The following RALYL variants were observed in gnomAD, a reference collection of about 807,000 sequenced individuals.
The protein encoded by RALYL is RNA-binding Raly-like protein.
In RALYL, 29 loss-of-function variants were observed where a neutral mutation model predicts 35.1. The observed-to-expected ratio is 0.83, with a 90% CI of 0.61 to 1.13. The LOEUF (loss-of-function observed/expected upper bound fraction) is 1.13, where lower values mean the gene tolerates loss of function less well. Ranked by LOEUF, RALYL falls within the 50% of genes most tolerant of loss-of-function variation. The pLI is 0.00. For synonymous variants in RALYL, 120 were observed against 127.6 expected, an observed-to-expected ratio of 0.94 and a Z score of 0.40; for missense variants, 359 against 360.4, an observed-to-expected ratio of 1.00 and a Z score of 0.03.
At chr8:84,723,901 A>G (rs1404079316) in intron 2 of RALYL, among the ~76,000 whole-genome samples, 1 of 151,670 alleles carries the variant, frequency 6.6e-6, no homozygotes, top group Non-Finnish European at 1.5e-5. Flanking sequence ...GCTGTAAATT[A>G]TATTTATTTC....
intron 2 of RALYL, among the ~76,000 whole-genome samples, chr8:84,669,738 A>C (rs1261298137): frequency 6.6e-6 from 1 of 152,106 alleles, no homozygotes. Flanking sequence ...ACCTCAAGTC[A>C]GTGGTGTACT....
At chr8:84,869,881 T>A (rs1235480968) in intron 6 of RALYL, among the ~76,000 whole-genome samples, 2 of 152,194 alleles carry the variant, frequency 1.3e-5, no homozygotes, top group Non-Finnish European at 2.9e-5. Flanking sequence ...AATATTCTTT[T>A]TGGATTATAT....
intron 2 of RALYL, among the ~76,000 whole-genome samples, chr8:84,670,308 C>G (rs918195063): frequency 3.9e-5 from 6 of 152,144 alleles, no homozygotes; most frequent in Non-Finnish European, 8.8e-5. Context: ...ACAACTCTTG[C>G]TGCTGGACAT....
At chr8:84,429,801 T>C (rs1241479567) in intron 1 of RALYL, among the ~76,000 whole-genome samples, 1 of 152,124 alleles carries the variant, frequency 6.6e-6, no homozygotes, top group Non-Finnish European at 1.5e-5. Context: ...AAGGAAAACA[T>C]GTCATTTACT....
At chr8:84,665,918 A>G (rs564878619) in intron 2 of RALYL, 2 of 152,134 alleles carry the variant, frequency 1.3e-5, no homozygotes, top group South Asian at 2.1e-4. Flanking sequence ...CTCTTATATC[A>G]TAATATAAAA....
chr8:84,914,850 C>T (rs1848189145), intron 8 of RALYL, among the ~76,000 whole-genome samples: 2 of 151,926 alleles, frequency 1.3e-5, no homozygotes, highest in South Asian at 2.1e-4. Flanking sequence ...AATTCCATCC[C>T]TTATCTCCTA....
At chr8:84,433,121 A>C (rs190322717) in intron 1 of RALYL, among the ~76,000 whole-genome samples, 2 of 152,170 alleles carry the variant, frequency 1.3e-5, no homozygotes, top group Non-Finnish European at 2.9e-5. Context: ...ACTTTTAAAA[A>C]CATCAAACAC....
chr8:84,357,143 A>G (rs887036039), intron 1 of RALYL, among the ~76,000 whole-genome samples: 1 of 152,090 alleles, frequency 6.6e-6, no homozygotes, highest in African/African-American at 2.4e-5. Context: ...CAGAACAATT[A>G]TTTGATAACA....
chr8:84,599,096 A>G (rs1306212816), intron 2 of RALYL, among the ~76,000 whole-genome samples: 1 of 152,128 alleles, frequency 6.6e-6, no homozygotes, highest in African/African-American at 2.4e-5. Context: ...ACTGTAAAAC[A>G]TATAACCTTA....
chr8:84,633,608 G>A (rs931833640), intron 2 of RALYL, among the ~76,000 whole-genome samples: 1 of 151,686 alleles, frequency 6.6e-6, no homozygotes, highest in Non-Finnish European at 1.5e-5. Flanking sequence ...AATAGTAACA[G>A]TAACAACAAA....
intron 1 of RALYL, among the ~76,000 whole-genome samples, chr8:84,479,168 C>G (rs973063708): frequency 7.3e-6 from 1 of 137,044 alleles, no homozygotes; most frequent in South Asian, 2.6e-4. Context: ...CTCCTTTAAT[C>G]TCATATACTT....
chr8:84,359,326 T>C (rs35603714), intron 1 of RALYL, among the ~76,000 whole-genome samples: 7,864 of 151,930 alleles, frequency 0.052, 270 homozygotes, highest in African/African-American at 0.091. Context: ...TAAACCACTT[T>C]TGTTAAGTTA....
At chr8:84,409,670 G>T (rs775182033) in intron 1 of RALYL, among the ~76,000 whole-genome samples, 1 of 151,770 alleles carries the variant, frequency 6.6e-6, no homozygotes, top group African/African-American at 2.4e-5. Context: ...TTTTTCCATC[G>T]TATACTCCTC....
chr8:84,469,382 G>C (rs1487412894), intron 1 of RALYL, among the ~76,000 whole-genome samples: 1 of 152,030 alleles, frequency 6.6e-6, no homozygotes, highest in Middle Eastern at 3.2e-3. Flanking sequence ...TCAGCTGCAG[G>C]TCTGTTGGAG....
chr8:84,666,718 G>A (rs1020588532), intron 2 of RALYL, among the ~76,000 whole-genome samples: 7 of 151,956 alleles, frequency 4.6e-5, no homozygotes, highest in Non-Finnish European at 8.8e-5. Flanking sequence ...AAATGAAATC[G>A]TTTCTGTGCC....
intron 1 of RALYL, among the ~76,000 whole-genome samples, chr8:84,399,144 T>A (rs1182936727): frequency 6.6e-6 from 1 of 152,208 alleles, no homozygotes; most frequent in African/African-American, 2.4e-5. Flanking sequence ...CATTCCCGTT[T>A]CCTGCTCTAA....
At chr8:84,591,554 G>A (rs934345378) in intron 2 of RALYL, among the ~76,000 whole-genome samples, 1 of 152,086 alleles carries the variant, frequency 6.6e-6, no homozygotes, top group Non-Finnish European at 1.5e-5. Flanking sequence ...CTTCTCCAAG[G>A]GAGAAAATAT....
At chr8:84,540,086 A>C (rs1443964761) in intron 2 of RALYL, among the ~76,000 whole-genome samples, 1 of 151,740 alleles carries the variant, frequency 6.6e-6, no homozygotes, top group Non-Finnish European at 1.5e-5. Flanking sequence ...ATGACCTTCT[A>C]AAATCACGTA....
intron 1 of RALYL, among the ~76,000 whole-genome samples, chr8:84,224,797 C>A (rs1280408037): frequency 6.6e-6 from 1 of 152,014 alleles, no homozygotes; most frequent in Admixed American, 6.6e-5. Context: ...GCTGGGACTA[C>A]AGGCGTGTGC....
Sources: gnomAD v4.1 joint callset for allele counts (sites outside exome capture counted in the v4.1 genomes callset) on GRCh38, gnomAD v4.1.1 for gene constraint, MANE v1.5 for transcripts, NCBI Gene and HGNC (gene_info 2026-07-23, HGNC 2026-07-21) for gene names.